SORCS2: variants seen among roughly 807,000 people sequenced by gnomAD.
SORCS2 encodes the protein sortilin related VPS10 domain containing receptor 2.
Under a neutral mutation model 141.6 loss-of-function variants are expected in SORCS2, and 100 were observed. The observed-to-expected ratio is 0.71, with a 90% CI of 0.60 to 0.83. The LOEUF (loss-of-function observed/expected upper bound fraction) is 0.83. SORCS2 is among the 40% of genes least tolerant of loss of function. The pLI is 0.00. For synonymous variants in SORCS2, 789 were observed against 676.9 expected (o/e 1.17, Z -2.57); for missense variants, 1,646 against 1,560.2 (o/e 1.05, Z -0.93).
intron 3 of SORCS2, among the ~76,000 whole-genome samples, chr4:7,542,203 T>C (rs1045341437): frequency 1.3e-5 from 2 of 152,102 alleles, no homozygotes; most frequent in Non-Finnish European, 2.9e-5. Flanking sequence ...TCTTAAACAA[T>C]CAGTGATTAT....
At chr4:7,514,573 G>T (rs1028227131) in intron 2 of SORCS2, among the ~76,000 whole-genome samples, 1 of 152,080 alleles carries the variant, frequency 6.6e-6, no homozygotes, top group Non-Finnish European at 1.5e-5. Flanking sequence ...GGCATGCAGT[G>T]AGGGGCTTCC....
intron 2 of SORCS2, among the ~76,000 whole-genome samples, chr4:7,517,958 C>G (rs764117629): frequency 4.6e-5 from 7 of 152,176 alleles, no homozygotes; most frequent in Admixed American, 1.3e-4. Flanking sequence ...ACACGCTGGA[C>G]GGAATATTAC....
intron 19 of SORCS2, among the ~76,000 whole-genome samples, chr4:7,724,120 G>GGTGGTGGTGGTGGTGATGGTGGTGATA (rs1726803674): frequency 7.0e-6 from 1 of 142,482 alleles, no homozygotes; most frequent in Non-Finnish European, 1.5e-5. Flanking sequence ...TGGTGATGGT[G>GGTGGTGGTGGTGGTGATGGTGGTGATA]GTGGTGGTGG....
intron 2 of SORCS2, chr4:7,433,777 T>C: frequency 6.2e-7 from 1 of 1,613,444 alleles, no homozygotes. Flanking sequence ...CCGCCTCCGG[T>C]TGCCACACAG....
chr4:7,329,186 G>A (rs1240837127), intron 1 of SORCS2, among the ~76,000 whole-genome samples: 1 of 152,216 alleles, frequency 6.6e-6, no homozygotes, highest in Non-Finnish European at 1.5e-5. Flanking sequence ...CCTCCACTCA[G>A]TAGGGGCTCC....
chr4:7,344,983 C>T (rs1352067452), intron 1 of SORCS2, among the ~76,000 whole-genome samples: 2 of 151,982 alleles, frequency 1.3e-5, no homozygotes, highest in African/African-American at 4.8e-5. Flanking sequence ...GCTTTTGACT[C>T]GCAGATGACC....
intron 1 of SORCS2, among the ~76,000 whole-genome samples, chr4:7,241,538 G>T (rs1249485253): frequency 6.6e-6 from 1 of 152,144 alleles, no homozygotes; most frequent in Non-Finnish European, 1.5e-5. Context: ...CACTGTGAGA[G>T]GCCTGGTGCA....
In SORCS2 at chr4:7,376,274, TAA is replaced by T. The variant is rs34885541; in HGVS notation, c.481-19999_481-19998del. Among the ~76,000 whole-genome samples the T allele has an allele frequency of 2.1e-3, 305 of 147,928 alleles. 1 individual carries two copies. Among genetic ancestry groups the T allele is most frequent in the East Asian group, 0.016 (82 of 5,098 alleles). ...GAAAAGCTGGAAAATATGCAAAGAGTAAAAAAAAAAAAAAAATACTGGCTGGG... is the reference window on the plus strand; with the variant it reads ...GAAAAGCTGGAAAATATGCAAAGAGTAAAAAAAAAAAAAATACTGGCTGGG... On this transcript the variant is annotated intron_variant, in intron 1 of 26. Transcript: ENST00000507866.
chr4:7,358,483 T>G (rs1234902950), intron 1 of SORCS2, among the ~76,000 whole-genome samples: 3 of 152,248 alleles, frequency 2.0e-5, no homozygotes, highest in Non-Finnish European at 4.4e-5. Flanking sequence ...GCCAGAGTAC[T>G]GAGCTTGCCA....
chr4:7,266,296 T>C (rs6446589), intron 1 of SORCS2, among the ~76,000 whole-genome samples: 105,989 of 152,070 alleles, frequency 0.7, 37,140 homozygotes, highest in Non-Finnish European at 0.72. Flanking sequence ...TGGGAGAAGA[T>C]GCTGGACTCC....
intron 3 of SORCS2, among the ~76,000 whole-genome samples, chr4:7,579,254 A>G (rs938376987): frequency 1.3e-5 from 2 of 152,124 alleles, no homozygotes; most frequent in African/African-American, 4.8e-5. Context: ...TTTAATATAT[A>G]TTTGTATTAT....
rs150715631 is a variant in SORCS2 at position 7,654,076 on chromosome 4, G to A, written c.814-58G>A. 2.0e-4 allele frequency: 291 copies of A among 1,458,346 alleles called. No homozygotes were observed. The African/African-American group carries it at 3.4e-3, about 17-fold the overall frequency. The allele number at this position is 1,458,346 out of a possible 1,614,324, so 90.3% of individuals were successfully genotyped here. A position where few individuals can be genotyped will look rare whatever the true frequency, so the allele number is the denominator to read the frequency against. On this transcript the variant is annotated intron_variant, in intron 4 of 26. Coordinates refer to ENST00000507866, the MANE Select transcript of SORCS2 (RefSeq NM_020777.3). ...GTGGTGAAGACATCACCCTCTCTCAGAAGCAGCTTATTCCTGACGTCCTGA... is the reference window on the plus strand; with the variant it reads ...GTGGTGAAGACATCACCCTCTCTCAAAAGCAGCTTATTCCTGACGTCCTGA...
chr4:7,706,253 G>A (rs1319073699), intron 14 of SORCS2, among the ~76,000 whole-genome samples: 2 of 123,600 alleles, frequency 1.6e-5, no homozygotes, highest in African/African-American at 3.0e-5. Context: ...GCCTGGGCAG[G>A]GATGAGGCTG....
intron 1 of SORCS2, among the ~76,000 whole-genome samples, chr4:7,245,652 T>TTGG (rs1490056988): frequency 6.6e-6 from 1 of 152,136 alleles, no homozygotes; most frequent in African/African-American, 2.4e-5. Context: ...GCCATTGCTA[T>TTGG]TGGTGGTGGT....
chr4:7,250,260 A>AAAG (rs953574106), intron 1 of SORCS2, among the ~76,000 whole-genome samples: 8 of 152,156 alleles, frequency 5.3e-5, no homozygotes, highest in African/African-American at 1.7e-4. Flanking sequence ...AGAAAGAAAG[A>AAAG]AAGAAAGAAA....
At chr4:7,336,106 C>T (rs74966675) in intron 1 of SORCS2, among the ~76,000 whole-genome samples, 4,899 of 152,298 alleles carry the variant, frequency 0.032, 209 homozygotes, top group East Asian at 0.23. Context: ...CCAGCTTCCG[C>T]GTCCCCATGT....
At chr4:7,636,765 C>T (rs977327248) in intron 3 of SORCS2, among the ~76,000 whole-genome samples, 6 of 152,122 alleles carry the variant, frequency 3.9e-5, no homozygotes, top group East Asian at 3.9e-4. Flanking sequence ...ACACGATTCC[C>T]GGTTGGAGGA....
At chr4:7,722,889 T>A (rs1024141896) in intron 18 of SORCS2, among the ~76,000 whole-genome samples, 4 of 152,136 alleles carry the variant, frequency 2.6e-5, no homozygotes, top group Non-Finnish European at 5.9e-5. Flanking sequence ...TCACGCTGTT[T>A]CCTCCATCAT....
intron 1 of SORCS2, among the ~76,000 whole-genome samples, chr4:7,386,626 T>C (rs1215414518): frequency 2.0e-5 from 3 of 146,818 alleles, no homozygotes; most frequent in African/African-American, 7.7e-5. Flanking sequence ...ACCATACACA[T>C]GAACACATGC....
Sources: allele counts gnomAD v4.1 joint callset (sites outside exome capture counted in the v4.1 genomes callset), GRCh38; gene constraint gnomAD v4.1.1; transcripts MANE v1.5; gene names NCBI Gene and HGNC (gene_info 2026-07-23, HGNC 2026-07-21).